Variants in PTPRG observed in about 807,000 individuals in gnomAD.
PTPRG encodes protein tyrosine phosphatase receptor type G.
In PTPRG, 102 loss-of-function variants were observed where a neutral mutation model predicts 165.3. The observed-to-expected ratio is 0.62, with a 90% CI of 0.53 to 0.73. The LOEUF (loss-of-function observed/expected upper bound fraction) is 0.73, where lower values mean the gene tolerates loss of function less well. Ranked by LOEUF, PTPRG falls within the 30% of genes least tolerant of loss-of-function variation. The pLI, the probability that PTPRG is intolerant of heterozygous loss-of-function variation, is 0.00. For synonymous variants in PTPRG, 675 were observed against 669.5 expected (o/e 1.01, Z -0.13); for missense variants, 1,866 against 1,861.4 (o/e 1.00, Z -0.05).
intron 4 of PTPRG, among the ~76,000 whole-genome samples, chr3:62,017,986 C>T (rs551770078): frequency 6.6e-6 from 1 of 152,144 alleles, no homozygotes; most frequent in Non-Finnish European, 1.5e-5. Flanking sequence ...CAGGTTTGTT[C>T]GCTAGAAGCC....
In PTPRG at chr3:61,835,368, C is replaced by G. The variant is rs990255879; in HGVS notation, c.190+86386C>G. Among the ~76,000 whole-genome samples the G allele has an allele frequency of 5.3e-5, 8 of 152,252 alleles. No individual in the cohort carries two copies. In the East Asian group the frequency reaches 1.2e-3, roughly 22 times the overall value. ...GTGGGATCATGTCATTCCTACTCCC[C>G]CCTTCCCCAGGCTGGAGTGCAGTGG... On this transcript the variant is annotated intron_variant, in intron 2 of 29. Coordinates refer to ENST00000474889, the MANE Select transcript of PTPRG (RefSeq NM_002841.4).
chr3:61,805,628 C>T (rs760936953), intron 2 of PTPRG, among the ~76,000 whole-genome samples: 42 of 151,670 alleles, frequency 2.8e-4, no homozygotes, highest in Non-Finnish European at 1.6e-4. Context: ...AGGGTAATTA[C>T]CACAACCCAG....
At chr3:62,272,011 C>G (rs929140696) in intron 21 of PTPRG, among the ~76,000 whole-genome samples, 3 of 152,056 alleles carry the variant, frequency 2.0e-5, no homozygotes, top group African/African-American at 7.2e-5. Context: ...AGAAGGATCC[C>G]TTGAACCCAG....
At chr3:61,680,524 A>C (rs1390283002) in intron 1 of PTPRG, among the ~76,000 whole-genome samples, 1 of 150,940 alleles carries the variant, frequency 6.6e-6, no homozygotes, top group Non-Finnish European at 1.5e-5. Flanking sequence ...AAAAACACAA[A>C]AAAACAGCAT....
At chr3:61,882,063 G>A (rs1390068982) in intron 2 of PTPRG, among the ~76,000 whole-genome samples, 1 of 152,176 alleles carries the variant, frequency 6.6e-6, no homozygotes, top group African/African-American at 2.4e-5. Flanking sequence ...CTAGTTACAT[G>A]CCATTACAAC....
intron 2 of PTPRG, among the ~76,000 whole-genome samples, chr3:61,831,383 C>A (rs549502623): frequency 1.3e-5 from 2 of 152,318 alleles, no homozygotes; most frequent in East Asian, 3.9e-4. Context: ...TGCATAAAAT[C>A]ATTGGGATAA....
chr3:61,671,816 G>A (rs1575578986), intron 1 of PTPRG, among the ~76,000 whole-genome samples: 1 of 141,828 alleles, frequency 7.1e-6, no homozygotes, highest in Non-Finnish European at 1.6e-5. Context: ...CCGGGCAGAG[G>A]GGCTCCTCAC....
intron 1 of PTPRG, among the ~76,000 whole-genome samples, chr3:61,668,317 G>A (rs1702865044): frequency 6.6e-6 from 1 of 152,182 alleles, no homozygotes; most frequent in Non-Finnish European, 1.5e-5. Flanking sequence ...CCTCTATCAG[G>A]CATTTGGGGG....
In PTPRG at chr3:62,269,338, T is replaced by TA. The variant is rs1178894358; in HGVS notation, c.3009+169_3009+170insA. Among the ~76,000 whole-genome samples the TA allele has an allele frequency of 3.3e-5, 5 of 152,174 alleles. No homozygotes were observed. In the East Asian group the frequency reaches 7.7e-4, roughly 23 times the overall value. On this transcript the variant is annotated intron_variant, in intron 20 of 29. Transcript: ENST00000474889. Reference sequence around the variant, plus strand: ...ACATCAGTGTATGGTGTGAAAGGTATTGGCAAAGCATCTAATAGAATTTAA... The same window carrying TA: ...ACATCAGTGTATGGTGTGAAAGGTATATGGCAAAGCATCTAATAGAATTTAA...
chr3:61,754,976 A>ACCT (rs1287930500), intron 2 of PTPRG, among the ~76,000 whole-genome samples: 9 of 147,740 alleles, frequency 6.1e-5, no homozygotes, highest in Non-Finnish European at 1.2e-4. Flanking sequence ...CCTAATAGAG[A>ACCT]CCTCCTTCTT....
At chr3:62,112,108 C>CT (rs34587018) in intron 5 of PTPRG, among the ~76,000 whole-genome samples, 16,602 of 148,700 alleles carry the variant, frequency 0.11, 943 homozygotes, top group Middle Eastern at 0.13. Context: ...TTTTTTTCTT[C>CT]TTTTTTTTTT....
At chr3:61,805,135 T>TC (rs1036760707) in intron 2 of PTPRG, among the ~76,000 whole-genome samples, 2 of 152,106 alleles carry the variant, frequency 1.3e-5, no homozygotes, top group Admixed American at 6.6e-5. Flanking sequence ...TTTCTTTTTT[T>TC]CCCCTCCCTA....
chr3:62,167,918 T>C (rs1705056902), intron 7 of PTPRG, 53 bp from the exon 8 acceptor site: 1 of 1,503,100 alleles, frequency 6.7e-7, no homozygotes, highest in East Asian at 2.3e-5. Context: ...AATTGATGTG[T>C]GTTTTTTGTG....
chr3:62,233,246 T>C lies in PTPRG; in HGVS notation c.2375+1935T>C, dbSNP rs1317373194. ...TGCTAAGTACTCCATGAAAACGATATGGGCCAGATACAGATCCTGTCCTCA... is the reference window on the plus strand; with the variant it reads ...TGCTAAGTACTCCATGAAAACGATACGGGCCAGATACAGATCCTGTCCTCA... On this transcript the variant is annotated intron_variant, in intron 14 of 29. Coordinates refer to ENST00000474889, the MANE Select transcript of PTPRG (RefSeq NM_002841.4). This position sits in a 1 kb window ranked among gnomAD's most constrained non-coding sequence, Gnocchi z 4.7. Among the ~76,000 whole-genome samples, 1 of 152,096 alleles carries C rather than the reference T, an allele frequency of 6.6e-6. No homozygotes were observed.
intron 1 of PTPRG, among the ~76,000 whole-genome samples, chr3:61,725,863 C>T (rs1214453175): frequency 1.3e-5 from 2 of 152,118 alleles, no homozygotes; most frequent in African/African-American, 4.8e-5. Context: ...TTATTCCTTT[C>T]TGGATTCCAA....
chr3:61,785,987 T>C (rs762588592), intron 2 of PTPRG, among the ~76,000 whole-genome samples: 4 of 152,194 alleles, frequency 2.6e-5, no homozygotes, highest in Admixed American at 1.3e-4. Context: ...GTCACACTTT[T>C]TCTGTAGTCC....
intron 2 of PTPRG, among the ~76,000 whole-genome samples, chr3:61,794,682 A>C (rs1390614965): frequency 1.3e-5 from 2 of 152,252 alleles, no homozygotes; most frequent in Non-Finnish European, 2.9e-5. Context: ...TTTTAACCAT[A>C]ATCTACAGGT....
At chr3:61,580,192 A>G (rs1329635495) in intron 1 of PTPRG, among the ~76,000 whole-genome samples, 1 of 152,112 alleles carries the variant, frequency 6.6e-6, no homozygotes, top group Non-Finnish European at 1.5e-5. Context: ...CTGTAATCCC[A>G]GCTACTCTGG....
At chr3:61,571,560 C>G (rs538828478) in intron 1 of PTPRG, among the ~76,000 whole-genome samples, 1 of 152,238 alleles carries the variant, frequency 6.6e-6, no homozygotes, top group South Asian at 2.1e-4. Flanking sequence ...GAAGAGATGA[C>G]CTTTCAGCAA....
Sources: allele counts gnomAD v4.1 joint callset (sites outside exome capture counted in the v4.1 genomes callset), GRCh38; gene constraint gnomAD v4.1.1; non-coding constraint Gnocchi (gnomAD v3.1); transcripts MANE v1.5; gene names NCBI Gene and HGNC (gene_info 2026-07-23, HGNC 2026-07-21).